Variants in TCF12 observed in about 807,000 individuals in gnomAD.
The protein encoded by TCF12 is DNA-binding protein HTF4.
In TCF12, 45 loss-of-function variants were observed where a neutral mutation model predicts 86.0. That is an observed-to-expected ratio of 0.52 (90% confidence interval 0.41 to 0.67). The LOEUF is 0.67. Among genes scored for constraint, TCF12 ranks in the 30% least tolerant of loss-of-function variants. The pLI is 0.00. For missense variants in TCF12, 881 were observed against 859.9 expected (o/e 1.02, Z -0.31); for synonymous variants, 330 against 299.6 (o/e 1.10, Z -1.05).
intron 5 of TCF12, among the ~76,000 whole-genome samples, chr15:57,154,495 C>T (rs931337434): frequency 2.0e-5 from 3 of 152,184 alleles, no homozygotes; most frequent in Non-Finnish European, 4.4e-5. Flanking sequence ...CATATCTACC[C>T]TTTTTCCTCT....
chr15:57,170,253 G>T (rs1363891913), intron 6 of TCF12, among the ~76,000 whole-genome samples: 2 of 151,742 alleles, frequency 1.3e-5, no homozygotes, highest in East Asian at 3.9e-4. Context: ...ATTTGTTTGA[G>T]AAGGAGACAG....
chr15:57,028,135 TG>T (rs1217670765), intron 3 of TCF12, among the ~76,000 whole-genome samples: 1 of 152,130 alleles, frequency 6.6e-6, no homozygotes, highest in African/African-American at 2.4e-5. Context: ...AGCTAGTTTT[TG>T]TATTTTTAGT....
chr15:56,974,281 T>C (rs2062489487), intron 3 of TCF12, among the ~76,000 whole-genome samples: 2 of 152,060 alleles, frequency 1.3e-5, no homozygotes, highest in Admixed American at 1.3e-4. Context: ...AGAAAACATA[T>C]GCAGGTAGAC....
chr15:57,106,076 A>G (rs1254765765), intron 5 of TCF12, among the ~76,000 whole-genome samples: 2 of 152,216 alleles, frequency 1.3e-5, no homozygotes, highest in African/African-American at 4.8e-5. Flanking sequence ...TCAGAGTCAT[A>G]TCCTTAGGTG....
intron 18 of TCF12, among the ~76,000 whole-genome samples, chr15:57,271,673 ATCTCACTGGGAGC>A (rs1278912250): frequency 1.3e-5 from 2 of 152,154 alleles, no homozygotes; most frequent in Non-Finnish European, 2.9e-5. Flanking sequence ...TTCTTCTTCG[ATCTCACTGGGAGC>A]TGTAGACCAG....
chr15:56,982,681 A>G (rs1490467335), intron 3 of TCF12, among the ~76,000 whole-genome samples: 1 of 152,220 alleles, frequency 6.6e-6, no homozygotes. Context: ...TCAAGGAGGA[A>G]GAATGCGTTC....
At position 57,288,513 on chromosome 15, in the gene TCF12, G is replaced by C. The variant is rs2062004792; in HGVS notation, c.*2368G>C. ...AATGTGCCATCTTTTTTTTAACACA[G>C]TAAAATAGTGAGTTTTTTACATTTC... On this transcript the variant is annotated 3_prime_UTR_variant, in exon 21 of 21. Coordinates refer to ENST00000333725, the MANE Select transcript of TCF12 (RefSeq NM_207037.2). 1.3e-5 allele frequency: 2 copies of C among 152,384 alleles called. No individual in the cohort carries two copies. Among genetic ancestry groups the C allele is most frequent in the Admixed American group, 6.6e-5 (1 of 15,252 alleles). The allele number at this position is 152,384 out of a possible 1,614,324, so 9.4% of individuals were successfully genotyped here. A position where few individuals can be genotyped will look rare whatever the true frequency, so the allele number is the denominator to read the frequency against.
chr15:57,260,245 A>G (rs2060527462), intron 16 of TCF12, among the ~76,000 whole-genome samples: 1 of 152,152 alleles, frequency 6.6e-6, no homozygotes, highest in South Asian at 2.1e-4. Context: ...AATTTCTAAG[A>G]TTTATTATTT....
chr15:57,207,407 C>T (rs1278494345), intron 8 of TCF12, among the ~76,000 whole-genome samples: 1 of 152,044 alleles, frequency 6.6e-6, no homozygotes, highest in Non-Finnish European at 1.5e-5. Flanking sequence ...TGGCTTAACG[C>T]CTGTAGTAAT....
At chr15:56,953,889 T>C (rs1283397394) in intron 3 of TCF12, among the ~76,000 whole-genome samples, 1 of 151,354 alleles carries the variant, frequency 6.6e-6, no homozygotes, top group African/African-American at 2.4e-5. Flanking sequence ...TTTTTTTTTT[T>C]TTTTCTCTAT....
In TCF12 at chr15:57,157,686, C is replaced by T. The variant is rs1036757883; in HGVS notation, c.326-8716C>T. On this transcript the variant is annotated intron_variant, in intron 5 of 20. Coordinates refer to ENST00000333725, the MANE Select transcript of TCF12 (RefSeq NM_207037.2). ...CAAGAGAGTCTCCTGCCTCAGCCTCCCGAGTAGCTGGGACCACAGTTGTGC... is the reference window on the plus strand; with the variant it reads ...CAAGAGAGTCTCCTGCCTCAGCCTCTCGAGTAGCTGGGACCACAGTTGTGC... 3.9e-5 allele frequency among the ~76,000 whole-genome samples: 6 copies of T among 151,942 alleles called. No individual in the cohort carries two copies. In the East Asian group the frequency reaches 9.7e-4, roughly 24 times the overall value.
intron 8 of TCF12, among the ~76,000 whole-genome samples, chr15:57,211,979 CCACACACACACACACA>C (rs58113866): frequency 1.2e-5 from 1 of 83,698 alleles, no homozygotes; most frequent in Non-Finnish European, 3.8e-5. Context: ...CACACACACA[CCACACACACACACACA>C]CACACACACA....
intron 5 of TCF12, among the ~76,000 whole-genome samples, chr15:57,102,844 A>C (rs1286581170): frequency 6.6e-6 from 1 of 152,164 alleles, no homozygotes; most frequent in African/African-American, 2.4e-5. Context: ...TCTCTCTCTG[A>C]AATCCTGTGT....
intron 5 of TCF12, among the ~76,000 whole-genome samples, chr15:57,110,136 A>G (rs767868479): frequency 6.6e-6 from 1 of 152,204 alleles, no homozygotes; most frequent in Non-Finnish European, 1.5e-5. Flanking sequence ...AACAATGTAT[A>G]ATATATCTGA....
chr15:57,226,378 T>C (rs1376225592), intron 8 of TCF12, among the ~76,000 whole-genome samples: 2 of 152,136 alleles, frequency 1.3e-5, no homozygotes, highest in Non-Finnish European at 2.9e-5. Flanking sequence ...CCAAATAATT[T>C]TGTTATGTTT....
chr15:57,021,881 A>T (rs1162698340), intron 3 of TCF12, among the ~76,000 whole-genome samples: 2 of 152,094 alleles, frequency 1.3e-5, no homozygotes, highest in Non-Finnish European at 2.9e-5. Flanking sequence ...TGGTATGTGC[A>T]GGGGTCTTTA....
chr15:57,091,862 C>T lies in TCF12; in HGVS notation c.296C>T (p.Pro99Leu). ...TTAGGAGCCCATGAAGGCTTGTCCCCAACACCTTTCATGAACTCAAATCTG... is the reference window on the plus strand; with the variant it reads ...TTAGGAGCCCATGAAGGCTTGTCCCTAACACCTTTCATGAACTCAAATCTG... Reference protein sequence around the residue: ...SRLGAHEGLSPTPFMNSNLMG... With the variant: ...SRLGAHEGLSLTPFMNSNLMG... The change falls in exon 5 of 21, where the codon CCA becomes CTA. Residue 99 changes from proline (P) to leucine (L), a missense_variant. Pro to Leu is a moderately conservative substitution (Grantham distance 98). Transcript: ENST00000333725. The T allele has an allele frequency of 6.2e-7, 1 of 1,613,742 alleles. No individual in the cohort carries two copies.
chr15:57,131,734 T>C (rs2052139188), intron 5 of TCF12, among the ~76,000 whole-genome samples: 2 of 152,200 alleles, frequency 1.3e-5, no homozygotes, highest in African/African-American at 4.8e-5. Flanking sequence ...AAAGGGAGAT[T>C]ATAAATGAGG....
At chr15:57,081,524 T>C (rs2070656966) in intron 4 of TCF12, among the ~76,000 whole-genome samples, 3 of 152,276 alleles carry the variant, frequency 2.0e-5, no homozygotes, top group Admixed American at 1.3e-4. Flanking sequence ...CATGCTATTA[T>C]TATTTTTATT....
Sources: gnomAD v4.1 joint callset for allele counts (sites outside exome capture counted in the v4.1 genomes callset) on GRCh38, gnomAD v4.1.1 for gene constraint, MANE v1.5 for transcripts, NCBI Gene and HGNC (gene_info 2026-07-23, HGNC 2026-07-21) for gene names.